The following MAF variants were observed in gnomAD, a reference collection of about 807,000 sequenced individuals.
MAF encodes the protein transcription factor Maf.
In MAF, 10 loss-of-function variants were observed where a neutral mutation model predicts 22.0. The ratio of observed to expected loss-of-function variants is 0.45; its 90% confidence interval spans 0.28 to 0.77. MAF has a LOEUF of 0.77. Among genes scored for constraint, MAF ranks in the 30% least tolerant of loss-of-function variants. MAF has a pLI of 0.12. For synonymous variants in MAF, 337 were observed against 255.8 expected (o/e 1.32, Z -3.03); for missense variants, 544 against 548.4 (o/e 0.99, Z 0.08).
At chr16:79,386,379 G>C in the MAF span, among the ~76,000 whole-genome samples, 3 of 152,138 alleles carry the variant, frequency 2.0e-5, no homozygotes, top group African/African-American at 7.2e-5. Context: ...ATGTAACCCA[G>C]ATCCCTCAGA....
the MAF span, among the ~76,000 whole-genome samples, chr16:79,538,436 T>C: frequency 6.6e-6 from 1 of 152,150 alleles, no homozygotes; most frequent in African/African-American, 2.4e-5. Flanking sequence ...AAATGTCCGA[T>C]ATAAAAACCA....
chr16:79,267,670 C>T, the MAF span, among the ~76,000 whole-genome samples: 1 of 152,198 alleles, frequency 6.6e-6, no homozygotes, highest in Non-Finnish European at 1.5e-5. Context: ...GACACTTCAT[C>T]TTTGTGAGCC....
chr16:79,354,590 T>C, the MAF span, among the ~76,000 whole-genome samples: 1 of 152,148 alleles, frequency 6.6e-6, no homozygotes, highest in Non-Finnish European at 1.5e-5. Context: ...TAGCCAGGAA[T>C]TGCAACCATT....
At chr16:79,214,856 G>A in the MAF span, among the ~76,000 whole-genome samples, 10 of 150,164 alleles carry the variant, frequency 6.7e-5, no homozygotes, top group East Asian at 1.2e-3. Flanking sequence ...GATTACAGGT[G>A]CCCACAACCA....
At chr16:79,291,897 G>A in the MAF span, among the ~76,000 whole-genome samples, 1 of 150,766 alleles carries the variant, frequency 6.6e-6, no homozygotes, top group Non-Finnish European at 1.5e-5. Context: ...AGAATTGCAG[G>A]TGTGATGTGT....
chr16:79,347,314 C>T, the MAF span, among the ~76,000 whole-genome samples: 3 of 152,308 alleles, frequency 2.0e-5, no homozygotes, highest in East Asian at 1.9e-4. Context: ...GCCTTCCAAC[C>T]AGCTCACCCC....
chr16:79,287,778 C>T, the MAF span, among the ~76,000 whole-genome samples: 1 of 152,146 alleles, frequency 6.6e-6, no homozygotes, highest in Non-Finnish European at 1.5e-5. Flanking sequence ...TTCACCCATT[C>T]ATTCACTCAC....
At chr16:79,491,691 C>A in the MAF span, among the ~76,000 whole-genome samples, 23 of 152,158 alleles carry the variant, frequency 1.5e-4, no homozygotes, top group African/African-American at 4.3e-4. Context: ...AAGTAAATTA[C>A]GCCAACTGAT....
chr16:79,599,298 G>A lies in MAF; in HGVS notation c.605C>T (p.Ala202Val). ...HHHPTAGAPG[A>V]AGSAAASAGG... ...GGCCGAGGCGGCCGCGCTGCCCGCG[G>A]CGCCGGGCGCGCCGGCCGTCGGGTG... Residue 202 changes from alanine to valine, a missense_variant, in exon 1 of 2, where the codon GCC (alanine) becomes GTC (valine). This residue lies in a region of MAF where 342 missense variants were observed against 315.5 expected (regional missense o/e 1.08). Coordinates refer to ENST00000326043, the MANE Select transcript of MAF (RefSeq NM_005360.5). 1.0e-6 allele frequency: 1 copy of A among 980,318 alleles called. No homozygotes were observed. The highest frequency in any genetic ancestry group is 1.8e-5 in the African/African-American group (1 of 56,522). 60.7% of individuals were successfully genotyped at this position (980,318 alleles called of 1,614,324 possible).
At chr16:79,319,272 T>C in the MAF span, among the ~76,000 whole-genome samples, 3 of 152,258 alleles carry the variant, frequency 2.0e-5, no homozygotes, top group South Asian at 2.1e-4. Context: ...CAATGGCTAA[T>C]TAAGATGAAC....
chr16:79,509,693 C>A, the MAF span, among the ~76,000 whole-genome samples: 3 of 152,220 alleles, frequency 2.0e-5, no homozygotes, highest in Non-Finnish European at 4.4e-5. Flanking sequence ...GGGCCCAGGG[C>A]CTGGCATGGC....
At chr16:79,316,105 T>G in the MAF span, among the ~76,000 whole-genome samples, 1 of 152,350 alleles carries the variant, frequency 6.6e-6, no homozygotes, top group South Asian at 2.1e-4. Flanking sequence ...GGGTTTATTT[T>G]GGTGAAAACA....
At chr16:79,518,298 G>T in the MAF span, among the ~76,000 whole-genome samples, 1 of 152,230 alleles carries the variant, frequency 6.6e-6, no homozygotes, top group East Asian at 1.9e-4. Flanking sequence ...CCTGCTCCTT[G>T]GGAAGCCATT....
At chr16:79,471,847 A>G in the MAF span, among the ~76,000 whole-genome samples, 1 of 152,240 alleles carries the variant, frequency 6.6e-6, no homozygotes, top group Non-Finnish European at 1.5e-5. Flanking sequence ...CATAATGGGT[A>G]CAATAACAAT....
the MAF span, among the ~76,000 whole-genome samples, chr16:79,492,987 C>T: frequency 6.6e-5 from 10 of 151,630 alleles, no homozygotes; most frequent in Non-Finnish European, 1.2e-4. Flanking sequence ...GAGGTAGAGA[C>T]TCACTCTGTC....
chr16:79,410,684 G>T, the MAF span, among the ~76,000 whole-genome samples: 1 of 152,222 alleles, frequency 6.6e-6, no homozygotes, highest in Non-Finnish European at 1.5e-5. Flanking sequence ...TAGAGTGAAT[G>T]CAGGAAGGCT....
At chr16:79,550,870 A>C in the MAF span, among the ~76,000 whole-genome samples, 2 of 152,174 alleles carry the variant, frequency 1.3e-5, no homozygotes, top group Non-Finnish European at 2.9e-5. Flanking sequence ...AGATTGGCAC[A>C]GATGGCTCAC....
the MAF span, among the ~76,000 whole-genome samples, chr16:79,530,009 T>G: frequency 1.3e-5 from 2 of 151,958 alleles, no homozygotes; most frequent in Non-Finnish European, 1.5e-5. Flanking sequence ...TAGAGGATGA[T>G]GCAAGGTTTG....
chr16:79,583,314 AG>A (rs1912639392), downstream of MAF, among the ~76,000 whole-genome samples: 1 of 152,226 alleles, frequency 6.6e-6, no homozygotes, highest in Admixed American at 6.5e-5. Context: ...TCATCGGATT[AG>A]GTGTAATCAG....
Sources: gnomAD v4.1 joint callset for allele counts (sites outside exome capture counted in the v4.1 genomes callset) on GRCh38, gnomAD v4.1.1 for gene constraint, gnomAD v4.1.1 regional missense constraint, MANE v1.5 for transcripts, NCBI Gene and HGNC (gene_info 2026-07-23, HGNC 2026-07-21) for gene names.